Variants in SPRED1 observed in about 807,000 individuals in gnomAD.
The protein encoded by SPRED1 is sprouty related EVH1 domain containing 1.
A neutral mutation model predicts 52.3 loss-of-function variants in SPRED1; 18 were observed. The observed-to-expected ratio is 0.34, with a 90% CI of 0.24 to 0.51. The LOEUF is 0.51. Among genes scored for constraint, SPRED1 ranks in the 20% least tolerant of loss-of-function variants. The probability of loss-of-function intolerance (pLI) is 0.97; values close to 1 mark genes in which losing one functional copy is unlikely to be tolerated. For synonymous variants in SPRED1, 155 were observed against 179.7 expected, an observed-to-expected ratio of 0.86 and a Z score of 1.10; for missense variants, 485 against 551.0, an observed-to-expected ratio of 0.88 and a Z score of 1.20.
chr15:38,311,004 A>G (rs76554981), intron 2 of SPRED1, among the ~76,000 whole-genome samples: 1 of 152,138 alleles, frequency 6.6e-6, no homozygotes, highest in Non-Finnish European at 1.5e-5. Flanking sequence ...ATGGTAGTAG[A>G]GTACATCCTT....
intron 1 of SPRED1, among the ~76,000 whole-genome samples, chr15:38,294,709 G>C (rs2140974838): frequency 6.6e-6 from 1 of 152,336 alleles, no homozygotes; most frequent in South Asian, 2.1e-4. Context: ...CCAGCAGGCT[G>C]TTAGAAATGT....
intron 1 of SPRED1, among the ~76,000 whole-genome samples, chr15:38,286,322 G>A (rs990174920): frequency 6.7e-6 from 1 of 148,778 alleles, no homozygotes; most frequent in Non-Finnish European, 1.5e-5. Flanking sequence ...ATTGTGAATT[G>A]GCTCTTTTTG....
In SPRED1 at chr15:38,352,211, A is replaced by G. The variant is rs958818241; in HGVS notation, c.*547A>G. On this transcript the variant is annotated 3_prime_UTR_variant, in exon 7 of 7. Coordinates refer to ENST00000299084, the MANE Select transcript of SPRED1 (RefSeq NM_152594.3). Reference sequence around the variant, plus strand: ...TAAGGTACGAATTATTACATATTAAACTTTTCTTCCCCTTCCTAGTTCTGA... The same window carrying G: ...TAAGGTACGAATTATTACATATTAAGCTTTTCTTCCCCTTCCTAGTTCTGA... The G allele has an allele frequency of 1.9e-5, 3 of 154,820 alleles. No individual in the cohort carries two copies. The highest frequency in any genetic ancestry group is 2.9e-5 in the Non-Finnish European group (2 of 69,846). The allele number at this position is 154,820 out of a possible 1,614,324, so 9.6% of individuals were successfully genotyped here. A position where few individuals can be genotyped will look rare whatever the true frequency, so the allele number is the denominator to read the frequency against.
intron 2 of SPRED1, among the ~76,000 whole-genome samples, chr15:38,301,849 C>T (rs1398732086): frequency 6.8e-6 from 1 of 147,476 alleles, no homozygotes; most frequent in Non-Finnish European, 1.5e-5. Context: ...TATTTTAACC[C>T]ATTTTCCTGA....
chr15:38,336,418 G>A (rs2382130), intron 4 of SPRED1, among the ~76,000 whole-genome samples: 2 of 35,102 alleles, frequency 5.7e-5, no homozygotes, highest in African/African-American at 1.6e-4. Context: ...ATGTGTATGT[G>A]TGTGTATATA....
chr15:38,282,350 CACACAA>C (rs1894709715), intron 1 of SPRED1, among the ~76,000 whole-genome samples: 2 of 141,396 alleles, frequency 1.4e-5, no homozygotes, highest in Non-Finnish European at 3.1e-5. Flanking sequence ...CACATGCACA[CACACAA>C]GTTAACCTGG....
At chr15:38,322,116 A>G in intron 2 of SPRED1, 125 bp from the exon 3 acceptor site, 2 of 948,806 alleles carry the variant, frequency 2.1e-6, no homozygotes, top group South Asian at 3.1e-5. Context: ...AGACCACTTT[A>G]TTTAAAATAC....
intron 1 of SPRED1, among the ~76,000 whole-genome samples, chr15:38,258,912 A>T (rs1160680844): frequency 6.6e-6 from 1 of 152,170 alleles, no homozygotes; most frequent in East Asian, 1.9e-4. Flanking sequence ...TTTTGTAGCT[A>T]TTTTTAATTT....
At chr15:38,263,240 C>A (rs1833783645) in intron 1 of SPRED1, among the ~76,000 whole-genome samples, 1 of 152,064 alleles carries the variant, frequency 6.6e-6, no homozygotes, top group Admixed American at 6.6e-5. Context: ...AGAGATGAAC[C>A]CGGTTTTTTA....
At chr15:38,321,082 C>T (rs545070451) in intron 2 of SPRED1, among the ~76,000 whole-genome samples, 2 of 152,182 alleles carry the variant, frequency 1.3e-5, no homozygotes, top group African/African-American at 4.8e-5. Context: ...ACTGTGATTA[C>T]ATAAGAGAAT....
chr15:38,330,651 G>A (rs910138043), intron 4 of SPRED1, among the ~76,000 whole-genome samples: 3 of 152,044 alleles, frequency 2.0e-5, no homozygotes, highest in African/African-American at 7.2e-5. Context: ...GTAATGCCAA[G>A]ATATAAGGGC....
rs1888549509 is a variant in SPRED1 at position 38,353,911 on chromosome 15, AT to A, written c.*2248del. ...CTGTACTGTATTTTATATGCAACAT[AT>A]ATGCTTTAATATTTTAATGTTTGTG... On this transcript the variant is annotated 3_prime_UTR_variant, in exon 7 of 7. Coordinates refer to ENST00000299084, the MANE Select transcript of SPRED1 (RefSeq NM_152594.3). 1.3e-5 allele frequency: 2 copies of A among 152,580 alleles called. No homozygotes were observed. The highest frequency in any genetic ancestry group is 4.8e-5 in the African/African-American group (2 of 41,440). The allele number at this position is 152,580 out of a possible 1,614,324, so 9.5% of individuals were successfully genotyped here.
intron 4 of SPRED1, among the ~76,000 whole-genome samples, chr15:38,337,885 C>G (rs1319832089): frequency 6.6e-6 from 1 of 151,624 alleles, no homozygotes; most frequent in African/African-American, 2.4e-5. Flanking sequence ...CTGAGTATCC[C>G]AACCCTGAGA....
chr15:38,289,909 A>G (rs1300039970), intron 1 of SPRED1, among the ~76,000 whole-genome samples: 1 of 152,230 alleles, frequency 6.6e-6, no homozygotes, highest in Non-Finnish European at 1.5e-5. Flanking sequence ...AGTTTGTGGT[A>G]GTTGTTAGGA....
intron 1 of SPRED1, among the ~76,000 whole-genome samples, chr15:38,273,039 C>T (rs567490482): frequency 2.5e-4 from 38 of 152,232 alleles, no homozygotes; most frequent in Non-Finnish European, 3.7e-4. Flanking sequence ...TTAATTAGGT[C>T]CCACTTGTCA....
chr15:38,267,604 A>T (rs925338786), intron 1 of SPRED1, among the ~76,000 whole-genome samples: 4 of 152,200 alleles, frequency 2.6e-5, no homozygotes, highest in Non-Finnish European at 5.9e-5. Context: ...TAATTAAATG[A>T]CAGCTCATAT....
intron 6 of SPRED1, among the ~76,000 whole-genome samples, chr15:38,350,061 A>G (rs1039194741): frequency 3.9e-5 from 6 of 152,164 alleles, no homozygotes; most frequent in Admixed American, 2.6e-4. Flanking sequence ...TTGTTCAGAG[A>G]CTTTTTGTGT....
At chr15:38,265,245 A>G (rs1186506991) in intron 1 of SPRED1, among the ~76,000 whole-genome samples, 1 of 152,148 alleles carries the variant, frequency 6.6e-6, no homozygotes, top group African/African-American at 2.4e-5. Flanking sequence ...ATATGTCCCT[A>G]CTTCAGAGGG....
chr15:38,267,948 A>G (rs1205569402), intron 1 of SPRED1, among the ~76,000 whole-genome samples: 2 of 152,228 alleles, frequency 1.3e-5, no homozygotes, highest in African/African-American at 4.8e-5. Flanking sequence ...AAAGCTTTCC[A>G]TCTTTTCCTA....
Sources: gnomAD v4.1 joint callset for allele counts (sites outside exome capture counted in the v4.1 genomes callset) on GRCh38, gnomAD v4.1.1 for gene constraint, MANE v1.5 for transcripts, NCBI Gene and HGNC (gene_info 2026-07-23, HGNC 2026-07-21) for gene names.